Variants in RPGRIP1 observed in about 807,000 individuals in gnomAD.
RPGRIP1 encodes the protein X-linked retinitis pigmentosa GTPase regulator-interacting protein 1.
Under a neutral mutation model 157.9 loss-of-function variants are expected in RPGRIP1, and 128 were observed. The ratio of observed to expected loss-of-function variants is 0.81; its 90% CI spans 0.70 to 0.94. The LOEUF is 0.94. Among genes scored for constraint, RPGRIP1 ranks in the 40% least tolerant of loss-of-function variants. The probability of loss-of-function intolerance (pLI) is 0.00; values close to 1 mark genes in which losing one functional copy is unlikely to be tolerated. For synonymous variants in RPGRIP1, 554 were observed against 571.6 expected, an observed-to-expected ratio of 0.97 and a Z score of 0.44; for missense variants, 1,486 against 1,545.8, an observed-to-expected ratio of 0.96 and a Z score of 0.65.
intron 9 of RPGRIP1, 25 bp downstream of exon 9, chr14:21,311,995 C>T (rs1466064742): frequency 6.3e-7 from 1 of 1,589,324 alleles, no homozygotes; most frequent in Admixed American, 1.7e-5. Flanking sequence ...TTGAAAGATA[C>T]CATCTACATT....
Position 21,294,590 on chromosome 14 carries a change from T to A in RPGRIP1, c.86-87T>A. On this transcript the variant is annotated intron_variant, in intron 2 of 24. Coordinates refer to ENST00000400017, the MANE Select transcript of RPGRIP1 (RefSeq NM_020366.4). Reference sequence around the variant, plus strand: ...TACTTGACTCAAGATAGATTTATGCTCTCTGGACAAGATGTGATGAGACAT... The same window carrying A: ...TACTTGACTCAAGATAGATTTATGCACTCTGGACAAGATGTGATGAGACAT... The A allele has an allele frequency of 4.6e-6, 6 of 1,313,110 alleles. No individual in the cohort carries two copies. The South Asian group carries it at 6.4e-5, about 14-fold the overall frequency. 81.3% of individuals were successfully genotyped at this position (1,313,110 alleles called of 1,614,324 possible).
rs1881002706 is a variant in RPGRIP1 at position 21,301,026 on chromosome 14, G to T, written c.279G>T (p.Glu93Asp). The change falls in exon 4 of 25, where the codon GAG becomes GAT. Residue 93 changes from glutamate to aspartate, a missense_variant. By Grantham distance (45) the Glu-to-Asp change is conservative (BLOSUM62 2). Coordinates refer to ENST00000400017, the MANE Select transcript of RPGRIP1 (RefSeq NM_020366.4). ...GCCGGGACCTGCGGGTCGCGGAGGA[G>T]GCGGCGCCGCTCTCGGAGACCGCAA... Reference protein sequence around the residue: ...AAGRDLRVAEEAAPLSETARR... With the variant: ...AAGRDLRVAEDAAPLSETARR... 1 of 1,612,508 alleles carries T rather than the reference G, an allele frequency of 6.2e-7. No homozygotes were observed.
rs760372466 is a variant in RPGRIP1 at position 21,320,120 on chromosome 14, C to T, written c.1410C>T (p.Asp470=). The T allele has an allele frequency of 6.2e-7, 1 of 1,613,946 alleles. No individual in the cohort carries two copies. Among genetic ancestry groups the T allele is most frequent in the South Asian group, 1.1e-5 (1 of 91,070 alleles). ...CAGCCACAATTTCCCAACCTCCTGA[C>T]AGGCAATCTGAACCAGCCACTCACC... ...QNAATISQPP[D]RQSEPATHPA... Residue 470 remains aspartate, a synonymous_variant, in exon 12 of 25, where the codon GAC becomes GAT. Transcript: ENST00000400017.
chr14:21,296,202 A>G (rs1030487249), intron 3 of RPGRIP1, among the ~76,000 whole-genome samples: 12 of 151,790 alleles, frequency 7.9e-5, no homozygotes, highest in African/African-American at 2.9e-4. Flanking sequence ...CCCGGATTCA[A>G]GCGATTCTCC....
rs539083010 is a variant in RPGRIP1 at position 21,306,112 on chromosome 14, C to CTTTTTTTTTT, written c.801-1591_801-1582dup. Among the ~76,000 whole-genome samples, 2 of 44,790 alleles carry CTTTTTTTTTT rather than the reference C, an allele frequency of 4.5e-5. 1 individual carries two copies. The highest frequency in any genetic ancestry group is 1.8e-4 in the African/African-American group (2 of 11,188). The allele number at this position is 44,790 out of a possible 152,430, so 29.4% of individuals were successfully genotyped here. A position where few individuals can be genotyped will look rare whatever the true frequency, so the allele number is the denominator to read the frequency against. On this transcript the variant is annotated intron_variant, in intron 6 of 24. Transcript: ENST00000400017. ...AGCTCCTAGGTTCAGGAATAATAGT[C>CTTTTTTTTTT]TTTTTTTTTTTTTTTTTTTTTTTTT...
At chr14:21,338,118 G>A (rs1198539102) in intron 21 of RPGRIP1, among the ~76,000 whole-genome samples, 3 of 151,900 alleles carry the variant, frequency 2.0e-5, no homozygotes, top group Non-Finnish European at 1.5e-5. Context: ...GGGTTTCACC[G>A]TGTTAGCCAG....
chr14:21,309,081 A>T (rs1881439213), intron 7 of RPGRIP1, among the ~76,000 whole-genome samples: 1 of 152,220 alleles, frequency 6.6e-6, no homozygotes, highest in Non-Finnish European at 1.5e-5. Flanking sequence ...TCCCGGCTGT[A>T]AGAGCCAGGG....
At chr14:21,298,923 G>C (rs534968530) in intron 3 of RPGRIP1, among the ~76,000 whole-genome samples, 2 of 126,736 alleles carry the variant, frequency 1.6e-5, no homozygotes, top group Non-Finnish European at 3.2e-5. Context: ...CTGAGCAACA[G>C]AGTGAGACTC....
intron 3 of RPGRIP1, among the ~76,000 whole-genome samples, chr14:21,296,664 T>C (rs1436510672): frequency 6.6e-6 from 1 of 151,418 alleles, no homozygotes; most frequent in Non-Finnish European, 1.5e-5. Context: ...TTATTAGAAA[T>C]AGTATTAATT....
chr14:21,313,187 G>A (rs1881612920), intron 10 of RPGRIP1, among the ~76,000 whole-genome samples: 2 of 151,890 alleles, frequency 1.3e-5, no homozygotes, highest in East Asian at 1.9e-4. Flanking sequence ...ATTCTCTTGT[G>A]TATGTGCAAA....
chr14:21,320,113 C>T lies in RPGRIP1; in HGVS notation c.1403C>T (p.Pro468Leu), dbSNP rs775331955. The T allele has an allele frequency of 6.2e-7, 1 of 1,613,882 alleles. No individual in the cohort carries two copies. The highest frequency in any genetic ancestry group is 8.5e-7 in the Non-Finnish European group (1 of 1,179,854). ...LLQNAATISQ[P>L]PDRQSEPATH... ...CAAAATGCAGCCACAATTTCCCAACCTCCTGACAGGCAATCTGAACCAGCC... is the reference window on the plus strand; with the variant it reads ...CAAAATGCAGCCACAATTTCCCAACTTCCTGACAGGCAATCTGAACCAGCC... The change falls in exon 12 of 25, where the codon CCT (proline) becomes CTT (leucine). Residue 468 changes from proline to leucine, a missense_variant. Transcript: ENST00000400017.
At position 21,303,345 on chromosome 14, in the gene RPGRIP1, A is replaced by C. The variant is rs1881121511; in HGVS notation, c.602A>C (p.Asn201Thr). Residue 201 changes from asparagine to threonine, a missense_variant, in exon 6 of 25, where the codon AAC (asparagine) becomes ACC (threonine). Coordinates refer to ENST00000400017, the MANE Select transcript of RPGRIP1 (RefSeq NM_020366.4). ...SKPSELVSGS[N>T]SIISFSSVIS... ...TTTGTATTTAGTGTTTCTGGTTCTA[A>C]CAGCATAATTTCTTTCAGCAGTGTC... 6.2e-7 allele frequency: 1 copy of C among 1,612,684 alleles called. No homozygotes were observed. Among genetic ancestry groups the C allele is most frequent in the African/African-American group, 1.3e-5 (1 of 74,910 alleles).
chr14:21,349,060 TTAC>T (rs1885872232), intron 24 of RPGRIP1, among the ~76,000 whole-genome samples: 2 of 137,866 alleles, frequency 1.5e-5, no homozygotes, highest in Admixed American at 1.7e-4. Flanking sequence ...TATGCTCTCC[TTAC>T]TACAATTTTT....
intron 1 of RPGRIP1, among the ~76,000 whole-genome samples, chr14:21,286,888 C>T (rs867286817): frequency 3.3e-5 from 5 of 151,290 alleles, no homozygotes; most frequent in East Asian, 2.0e-4. Context: ...GGGCCTGGCA[C>T]GGTGGCTCAT....
At chr14:21,322,529 G>A (rs1269999301) in intron 14 of RPGRIP1, among the ~76,000 whole-genome samples, 1 of 152,096 alleles carries the variant, frequency 6.6e-6, no homozygotes, top group Non-Finnish European at 1.5e-5. Flanking sequence ...TCTCTGTAGA[G>A]TTTCAAGTGG....
intron 7 of RPGRIP1, among the ~76,000 whole-genome samples, chr14:21,308,492 A>T (rs1881410119): frequency 6.6e-6 from 1 of 152,194 alleles, no homozygotes; most frequent in African/African-American, 2.4e-5. Flanking sequence ...AAGTAAACAA[A>T]TTCAACTATC....
intron 13 of RPGRIP1, chr14:21,321,640 TG>T: frequency 1.0e-6 from 1 of 1,003,954 alleles, no homozygotes; most frequent in Non-Finnish European, 1.4e-6. Context: ...GTAAGGCTTC[TG>T]GGTTCAAATT....
At chr14:21,316,423 T>C (rs1459290988) in intron 10 of RPGRIP1, among the ~76,000 whole-genome samples, 2 of 152,000 alleles carry the variant, frequency 1.3e-5, no homozygotes, top group Non-Finnish European at 2.9e-5. Context: ...GTAAGTTATT[T>C]ATTTATTTCT....
At chr14:21,319,983 C>T in intron 11 of RPGRIP1, 34 bp from the exon 12 acceptor site, 1 of 1,580,216 alleles carries the variant, frequency 6.3e-7, no homozygotes, top group Non-Finnish European at 8.6e-7. Flanking sequence ...TAAATAACTA[C>T]AGAATTTCAC....
Sources: allele counts gnomAD v4.1 joint callset (sites outside exome capture counted in the v4.1 genomes callset), GRCh38; gene constraint gnomAD v4.1.1; transcripts MANE v1.5; gene names NCBI Gene and HGNC (gene_info 2026-07-23, HGNC 2026-07-21).